RFC2: variants seen among roughly 807,000 people sequenced by gnomAD.
RFC2 encodes the protein replication factor C subunit 2.
In RFC2, 34 loss-of-function variants were observed where a neutral mutation model predicts 44.8. That is an observed-to-expected ratio of 0.76 (90% CI 0.58 to 1.01). The LOEUF is 1.01. Ranked by LOEUF, RFC2 falls within the 50% of genes least tolerant of loss-of-function variation. The pLI, the probability that RFC2 is intolerant of heterozygous loss-of-function variation, is 0.00. For missense variants in RFC2, 400 were observed against 453.6 expected (o/e 0.88, Z 1.07); for synonymous variants, 177 against 168.9 (o/e 1.05, Z -0.37).
At chr7:74,239,895 C>A in intron 7 of RFC2, 43 bp downstream of exon 7, 1 of 1,531,198 alleles carries the variant, frequency 6.5e-7, no homozygotes, top group Non-Finnish European at 8.8e-7. Flanking sequence ...AGGGGCATGG[C>A]AGGCACAGGA....
At chr7:74,239,433 G>A (rs1341911615) in intron 7 of RFC2, among the ~76,000 whole-genome samples, 1 of 152,040 alleles carries the variant, frequency 6.6e-6, no homozygotes, top group East Asian at 1.9e-4. Flanking sequence ...CCAGGTTAAT[G>A]CCATTCTCTT....
At chr7:74,241,990 A>C (rs1462285237) in intron 6 of RFC2, among the ~76,000 whole-genome samples, 2 of 152,176 alleles carry the variant, frequency 1.3e-5, no homozygotes, top group East Asian at 1.9e-4. Context: ...ATGTGAAACC[A>C]GCAGGAAGTT....
rs145802217 is a variant in RFC2 at position 74,250,974 on chromosome 7, A to G, written c.184-1194T>C. Among the ~76,000 whole-genome samples the G allele has an allele frequency of 1.3e-3, 203 of 152,112 alleles. 4 individuals carry two copies. The highest frequency in any genetic ancestry group is 4.7e-3 in the African/African-American group (195 of 41,506). Reference sequence around the variant, plus strand: ...TGCCTAATTTTTATTTTTAGTAGAGACGGGGTTTTGCCATGTTGGCCAGGC... The same window carrying G: ...TGCCTAATTTTTATTTTTAGTAGAGGCGGGGTTTTGCCATGTTGGCCAGGC... On this transcript the variant is annotated intron_variant, in intron 2 of 10. Coordinates refer to ENST00000055077, the MANE Select transcript of RFC2 (RefSeq NM_181471.3).
At chr7:74,244,100 A>C (rs1467079379) in intron 5 of RFC2, among the ~76,000 whole-genome samples, 1 of 148,428 alleles carries the variant, frequency 6.7e-6, no homozygotes, top group Non-Finnish European at 1.5e-5. Context: ...AAAATACAAA[A>C]AAAAAAAAAA....
At chr7:74,244,553 T>A (rs1319149790) in intron 5 of RFC2, among the ~76,000 whole-genome samples, 1 of 151,508 alleles carries the variant, frequency 6.6e-6, no homozygotes, top group Admixed American at 6.6e-5. Flanking sequence ...ATACTTTTAG[T>A]AGAGACGGGG....
intron 6 of RFC2, among the ~76,000 whole-genome samples, chr7:74,241,436 C>G (rs1470989632): frequency 6.6e-6 from 1 of 152,220 alleles, no homozygotes; most frequent in Non-Finnish European, 1.5e-5. Flanking sequence ...GCAAAGGATT[C>G]TTGACACTGC....
chr7:74,247,407 C>T (rs1554720250), intron 4 of RFC2, among the ~76,000 whole-genome samples: 2 of 152,122 alleles, frequency 1.3e-5, no homozygotes, highest in Non-Finnish European at 2.9e-5. Context: ...CTTTAGGAGG[C>T]CAAGGTGGGC....
intron 2 of RFC2, 67 bp from the exon 3 acceptor site, chr7:74,249,847 A>T (rs1554720773): frequency 7.4e-7 from 1 of 1,356,826 alleles, no homozygotes; most frequent in East Asian, 2.3e-5. Flanking sequence ...AAAAAGATAG[A>T]AAAAAGAACA....
chr7:74,240,437 G>A (rs1288653093), intron 6 of RFC2, among the ~76,000 whole-genome samples: 1 of 151,240 alleles, frequency 6.6e-6, no homozygotes, highest in Non-Finnish European at 1.5e-5. Flanking sequence ...GAGAGTTGGA[G>A]GCTGAAGTGA....
rs1554719006 is a variant in RFC2 at position 74,239,999 on chromosome 7, A to C, written c.632T>G (p.Val211Gly). 7.4e-6 allele frequency: 12 copies of C among 1,613,616 alleles called. No individual in the cohort carries two copies. The highest frequency in any genetic ancestry group is 1.0e-5 in the Non-Finnish European group (12 of 1,179,854). ...RLMNVIEKER[V>G]PYTDDGLEAI... ...TTCTAGGCCGTCATCAGTGTAGGGTACCCTCTCCTTCTCGATAACATTCAT... is the reference window on the plus strand; with the variant it reads ...TTCTAGGCCGTCATCAGTGTAGGGTCCCCTCTCCTTCTCGATAACATTCAT... The change falls in exon 7 of 11, where the codon GTA (valine) becomes GGA (glycine). Residue 211 changes from valine to glycine, a missense_variant. Physicochemically the swap from Val to Gly is moderately radical, Grantham distance 109 (BLOSUM62 -3). Coordinates refer to ENST00000055077, the MANE Select transcript of RFC2 (RefSeq NM_181471.3).
Position 74,238,984 on chromosome 7 carries a change from AGC to A in RFC2, c.696_697del (p.Leu233GlufsTer14). On this transcript the variant is annotated frameshift_variant and splice_region_variant, in exon 8 of 11. Transcript: ENST00000055077. LOFTEE classifies it high-confidence loss of function. This position sits in a 1 kb window ranked among gnomAD's most constrained non-coding sequence, Gnocchi z 4.0. Reference sequence around the variant, plus strand: ...TGAGAAGGTGGACTGCAGGTTGTTCAGCGCCTGTTCAGGAGCAAACACATGTC... The same window carrying A: ...TGAGAAGGTGGACTGCAGGTTGTTCAGCCTGTTCAGGAGCAAACACATGTC... The A allele has an allele frequency of 1.9e-6, 3 of 1,613,646 alleles. No homozygotes were observed. The highest frequency in any genetic ancestry group is 2.5e-6 in the Non-Finnish European group (3 of 1,179,610).
intron 5 of RFC2, among the ~76,000 whole-genome samples, chr7:74,243,948 G>T (rs1277707589): frequency 1.1e-4 from 17 of 151,192 alleles, no homozygotes; most frequent in African/African-American, 4.1e-4. Context: ...AAAAAGAGAA[G>T]AAAAAAAGCA....
chr7:74,244,969 T>C (rs1803518126), intron 5 of RFC2, among the ~76,000 whole-genome samples: 1 of 151,612 alleles, frequency 6.6e-6, no homozygotes, highest in Non-Finnish European at 1.5e-5. Context: ...TCTCAAAAAC[T>C]ACAACAAAAA....
intron 6 of RFC2, among the ~76,000 whole-genome samples, chr7:74,242,881 C>T (rs782707146): frequency 2.6e-5 from 4 of 151,616 alleles, no homozygotes; most frequent in African/African-American, 4.9e-5. Flanking sequence ...TGAGATCGTG[C>T]CATTGCACTC....
At chr7:74,246,001 C>T (rs1554719942) in intron 5 of RFC2, among the ~76,000 whole-genome samples, 1 of 151,616 alleles carries the variant, frequency 6.6e-6, no homozygotes, top group African/African-American at 2.4e-5. Flanking sequence ...TTGAGACCAC[C>T]CTGGCTAACA....
intron 4 of RFC2, among the ~76,000 whole-genome samples, chr7:74,248,287 T>C (rs1242655116): frequency 1.3e-5 from 2 of 151,862 alleles, no homozygotes; most frequent in African/African-American, 4.8e-5. Context: ...GGAGGATCGC[T>C]TGAGTCCCGG....
chr7:74,247,700 T>C (rs1554720300), intron 4 of RFC2, among the ~76,000 whole-genome samples: 2 of 152,102 alleles, frequency 1.3e-5, no homozygotes, highest in African/African-American at 2.4e-5. Context: ...GAGACACCAA[T>C]AGCAACATTC....
At chr7:74,243,028 G>C (rs1457525271) in intron 6 of RFC2, 118 bp downstream of exon 6, 23 of 663,286 alleles carry the variant, frequency 3.5e-5, no homozygotes, top group Non-Finnish European at 5.8e-5. Context: ...AGGCTGCAGT[G>C]AGCTGTGATG....
rs782510398 is a variant in RFC2, at chr7:74,254,378, C to T, written c.6G>A (p.Glu2=). 67 of 1,597,532 alleles carry T rather than the reference C, an allele frequency of 4.2e-5. No homozygotes were observed. The highest frequency in any genetic ancestry group is 5.6e-5 in the Non-Finnish European group (65 of 1,170,360). M[E]VEAVCGGAGE... ...CCGCGCCACCACAGACGGCCTCCAC[C>T]TCCATTCTCGCGCCTCCTCTTCCCG... Residue 2 remains glutamate (E), a synonymous_variant, in exon 1 of 11, where the codon GAG becomes GAA. Transcript: ENST00000055077.
Sources: allele counts gnomAD v4.1 joint callset (sites outside exome capture counted in the v4.1 genomes callset), GRCh38; gene constraint gnomAD v4.1.1; non-coding constraint Gnocchi (gnomAD v3.1); transcripts MANE v1.5; gene names NCBI Gene and HGNC (gene_info 2026-07-23, HGNC 2026-07-21).